Variants in RUFY4 observed in about 807,000 individuals in gnomAD.
RUFY4 encodes the protein RUN and FYVE domain-containing protein 4.
Under a neutral mutation model 69.0 loss-of-function variants are expected in RUFY4, and 73 were observed. That is an observed-to-expected ratio of 1.06 (90% CI 0.88 to 1.29). The LOEUF (loss-of-function observed/expected upper bound fraction) is 1.29. Among genes scored for constraint, RUFY4 ranks in the 50% most tolerant of loss-of-function variants. The pLI, the probability that RUFY4 is intolerant of heterozygous loss-of-function variation, is 0.00. For synonymous variants in RUFY4, 287 were observed against 271.8 expected (o/e 1.06, Z -0.55); for missense variants, 770 against 705.6 (o/e 1.09, Z -1.03).
intron 8 of RUFY4, among the ~76,000 whole-genome samples, chr2:218,078,694 TC>T (rs1420539548): frequency 6.6e-6 from 1 of 152,132 alleles, no homozygotes; most frequent in Non-Finnish European, 1.5e-5. Flanking sequence ...GAGTTATACA[TC>T]CACCACCTCA....
chr2:218,077,407 G>T (rs1023681548), intron 8 of RUFY4, among the ~76,000 whole-genome samples: 1 of 152,188 alleles, frequency 6.6e-6, no homozygotes, highest in African/African-American at 2.4e-5. Context: ...TAGAGACGAG[G>T]TCTCACTACA....
chr2:218,060,220 C>A lies in RUFY4; in HGVS notation c.-1071+1539C>A, dbSNP rs774950213. On this transcript the variant is annotated intron_variant and NMD_transcript_variant, in intron 3 of 13. Transcript: ENST00000457754. ...AGAACGTGGCCTCCTCTGCTTCCTG[C>A]GACCACAGTGGGGGCTGCACTGACA... is the stretch of plus-strand genomic sequence containing the variant. 20 of 961,034 alleles carry A rather than the reference C, an allele frequency of 2.1e-5. No homozygotes were observed. In the African/African-American group the frequency reaches 2.9e-4, roughly 14 times the overall value. 59.5% of individuals were successfully genotyped at this position (961,034 alleles called of 1,614,324 possible). A position where few individuals can be genotyped will look rare whatever the true frequency, so the allele number is the denominator to read the frequency against.
intron 8 of RUFY4, among the ~76,000 whole-genome samples, chr2:218,081,095 C>T (rs926225478): frequency 6.6e-6 from 1 of 152,220 alleles, no homozygotes; most frequent in Non-Finnish European, 1.5e-5. Context: ...TCCATGTCCC[C>T]TCGTGTGCTA....
chr2:218,074,978 C>T, intron 6 of RUFY4, 115 bp from the exon 9 acceptor site: 1 of 1,139,226 alleles, frequency 8.8e-7, no homozygotes, highest in Non-Finnish European at 1.2e-6. Flanking sequence ...AGTGAGAGGA[C>T]CTGGTACCTA....
At chr2:218,066,418 T>A (rs1347317990), upstream of RUFY4, among the ~76,000 whole-genome samples, 2 of 152,100 alleles carry the variant, frequency 1.3e-5, no homozygotes, top group African/African-American at 2.4e-5. Context: ...CAGGTGATCC[T>A]CCTGCCTCAG....
chr2:218,067,178 T>C (rs1396716436), upstream of RUFY4, among the ~76,000 whole-genome samples: 3 of 152,194 alleles, frequency 2.0e-5, no homozygotes, highest in African/African-American at 7.2e-5. Flanking sequence ...CTTAGCCCCC[T>C]CCCTGGCTCA....
At chr2:218,055,733 C>T (rs1689046019) in intron 2 of RUFY4, among the ~76,000 whole-genome samples, 2 of 152,198 alleles carry the variant, frequency 1.3e-5, no homozygotes, top group South Asian at 4.1e-4. Flanking sequence ...AGGAGCAAGA[C>T]TCATGCCTGA....
chr2:218,047,769 G>T (rs1299640515), intron 2 of RUFY4, among the ~76,000 whole-genome samples: 2 of 152,038 alleles, frequency 1.3e-5, no homozygotes, highest in Non-Finnish European at 2.9e-5. Context: ...CTTTAATAAC[G>T]AGCCTAAAGT....
chr2:218,075,237 T>C (rs770159166), exon 7 of RUFY4: 29 of 1,568,282 alleles, frequency 1.8e-5, no homozygotes, highest in Non-Finnish European at 2.4e-5. Context: ...TCCTTTCTTT[T>C]TGGAAAAGAA....
upstream of RUFY4, among the ~76,000 whole-genome samples, chr2:218,068,250 G>C (rs913456694): frequency 9.2e-6 from 1 of 108,356 alleles, no homozygotes; most frequent in Non-Finnish European, 2.0e-5. Context: ...GGACTGGAGG[G>C]AGGCAGGGGG....
At chr2:218,088,353 G>A (rs1043543589) in intron 9 of RUFY4, among the ~76,000 whole-genome samples, 1 of 151,592 alleles carries the variant, frequency 6.6e-6, no homozygotes, top group East Asian at 1.9e-4. Flanking sequence ...AGCTACTCAG[G>A]AGGCTAAAGT....
At chr2:218,039,927 T>C (rs761148942) in intron 2 of RUFY4, among the ~76,000 whole-genome samples, 6 of 152,224 alleles carry the variant, frequency 3.9e-5, no homozygotes, top group African/African-American at 7.2e-5. Flanking sequence ...GTGTGCCTGT[T>C]GTCCAAACGC....
exon 1 of RUFY4, chr2:218,070,633 G>A: frequency 6.5e-7 from 1 of 1,537,616 alleles, no homozygotes. Flanking sequence ...CATCCTCAAG[G>A]TCACCAAAGA....
At chr2:218,049,975 A>C (rs1281534243) in intron 2 of RUFY4, among the ~76,000 whole-genome samples, 2 of 152,202 alleles carry the variant, frequency 1.3e-5, no homozygotes, top group Non-Finnish European at 2.9e-5. Context: ...AATCAAGGAC[A>C]GTTTAAAGCC....
chr2:218,087,834 GA>G (rs1020602272), intron 9 of RUFY4, among the ~76,000 whole-genome samples: 14 of 146,486 alleles, frequency 9.6e-5, no homozygotes, highest in Admixed American at 3.4e-4. Flanking sequence ...GTCTCAAAAA[GA>G]AAAAAAAAAT....
intron 2 of RUFY4, among the ~76,000 whole-genome samples, chr2:218,071,107 A>G (rs1464897613): frequency 6.6e-6 from 1 of 152,166 alleles, no homozygotes; most frequent in Non-Finnish European, 1.5e-5. Context: ...GGCAACCCCC[A>G]CTGCTTAAAC....
At chr2:218,065,858 C>G (rs917892605), upstream of RUFY4, 2 of 152,516 alleles carry the variant, frequency 1.3e-5, no homozygotes, top group African/African-American at 2.4e-5. Flanking sequence ...GCCCTGCTGG[C>G]TGCACTCTAG....
intron 3 of RUFY4, among the ~76,000 whole-genome samples, chr2:218,062,106 A>G (rs1286486199): frequency 6.6e-6 from 1 of 152,210 alleles, no homozygotes; most frequent in African/African-American, 2.4e-5. Flanking sequence ...AGTATATTAA[A>G]AATGATAAGT....
At chr2:218,082,933 T>TG (rs1689798534) in intron 8 of RUFY4, among the ~76,000 whole-genome samples, 177 bp from the exon 11 acceptor site, 1 of 844 alleles carries the variant, frequency 1.2e-3, no homozygotes, top group Non-Finnish European at 6.4e-3. Context: ...AGGGTGTGTG[T>TG]TGTGTTGTAG....
Sources: gnomAD v4.1 joint callset for allele counts (sites outside exome capture counted in the v4.1 genomes callset) on GRCh38, gnomAD v4.1.1 for gene constraint, MANE v1.5 for transcripts, NCBI Gene and HGNC (gene_info 2026-07-23, HGNC 2026-07-21) for gene names.